SMARCA5: variants seen among roughly 807,000 people sequenced by gnomAD.
SMARCA5 encodes SWI/SNF-related matrix-associated actin-dependent regulator of chromatin subfamily A member 5.
A neutral mutation model predicts 140.4 loss-of-function variants in SMARCA5; 18 were observed. The observed-to-expected ratio is 0.13, with a 90% CI of 0.09 to 0.19. SMARCA5 has a LOEUF of 0.19. Among genes scored for constraint, SMARCA5 ranks in the 10% least tolerant of loss-of-function variants. The pLI is 1.00. For synonymous variants in SMARCA5, 449 were observed against 419.6 expected, an observed-to-expected ratio of 1.07 and a Z score of -0.86; for missense variants, 606 against 1,276.8, an observed-to-expected ratio of 0.47 and a Z score of 8.01.
At chr4:143,530,316 A>C (rs1737159878) in intron 8 of SMARCA5, 142 bp from the exon 9 acceptor site, 1 of 459,598 alleles carries the variant, frequency 2.2e-6, no homozygotes, top group African/African-American at 2.0e-5. Flanking sequence ...TGACACATGA[A>C]AACCAGGATT....
intron 16 of SMARCA5, chr4:143,544,495 T>G (rs1737484964): frequency 3.2e-6 from 1 of 308,592 alleles, no homozygotes; most frequent in Non-Finnish European, 5.9e-6. Context: ...CTGTAGCATT[T>G]CTCCCTCATT....
intron 2 of SMARCA5, among the ~76,000 whole-genome samples, chr4:143,519,736 A>AC (rs1007534169): frequency 2.0e-4 from 31 of 152,222 alleles, no homozygotes; most frequent in Non-Finnish European, 4.3e-4. Context: ...ACTTCAGAAA[A>AC]CTAAATACTA....
intron 3 of SMARCA5, among the ~76,000 whole-genome samples, chr4:143,523,208 G>T (rs978453599): frequency 6.6e-6 from 1 of 152,016 alleles, no homozygotes; most frequent in African/African-American, 2.4e-5. Flanking sequence ...TGTATTTTTG[G>T]TAGAGATGGG....
chr4:143,544,577 A>T (rs917210230), intron 16 of SMARCA5, among the ~76,000 whole-genome samples, 160 bp from the exon 17 acceptor site: 2 of 152,192 alleles, frequency 1.3e-5, no homozygotes, highest in Admixed American at 6.5e-5. Context: ...CGTGTTAATT[A>T]TATACATAAT....
At chr4:143,525,377 T>G in intron 4 of SMARCA5, 74 bp from the exon 5 acceptor site, 1 of 901,750 alleles carries the variant, frequency 1.1e-6, no homozygotes, top group Non-Finnish European at 1.9e-6. Flanking sequence ...AGTAGATATG[T>G]GTAGGCTTAG....
At chr4:143,534,319 C>G (rs1737259282) in intron 9 of SMARCA5, among the ~76,000 whole-genome samples, 1 of 151,994 alleles carries the variant, frequency 6.6e-6, no homozygotes, top group South Asian at 2.1e-4. Context: ...TATTACTACC[C>G]TTCAGGAACC....
intron 19 of SMARCA5, among the ~76,000 whole-genome samples, chr4:143,546,571 C>G (rs1737529900): frequency 6.6e-6 from 1 of 152,088 alleles, no homozygotes; most frequent in Non-Finnish European, 1.5e-5. Context: ...TACTCTCAGC[C>G]ACTCATATTT....
intron 1 of SMARCA5, among the ~76,000 whole-genome samples, chr4:143,516,159 A>G (rs906225187): frequency 1.3e-5 from 2 of 150,116 alleles, no homozygotes; most frequent in East Asian, 1.9e-4. Context: ...GTTTGGAAGT[A>G]TGATCTAAGG....
intron 6 of SMARCA5, among the ~76,000 whole-genome samples, chr4:143,527,114 T>TA (rs1309922953): frequency 6.6e-5 from 10 of 152,332 alleles, no homozygotes; most frequent in Admixed American, 3.3e-4. Context: ...GGTTGAGTCA[T>TA]ATATAGTAAT....
At position 143,556,363 on chromosome 4, in the gene SMARCA5, G is replaced by C. The variant is rs1737755832; in HGVS notation, c.*3179G>C. 1 of 152,084 alleles carries C rather than the reference G, an allele frequency of 6.6e-6. No homozygotes were observed. The highest frequency in any genetic ancestry group is 1.5e-5 in the Non-Finnish European group (1 of 67,998). The allele number at this position is 152,084 out of a possible 1,614,324, so 9.4% of individuals were successfully genotyped here. ...TGTAAAACACCCCTGTGGTTTTTCAGAAAAATTCTGAGTAAAAAATAAATT... is the reference window on the plus strand; with the variant it reads ...TGTAAAACACCCCTGTGGTTTTTCACAAAAATTCTGAGTAAAAAATAAATT... On this transcript the variant is annotated 3_prime_UTR_variant, in exon 24 of 24. Transcript: ENST00000283131.
At chr4:143,537,336 C>T (rs916243988) in intron 11 of SMARCA5, among the ~76,000 whole-genome samples, 1 of 152,174 alleles carries the variant, frequency 6.6e-6, no homozygotes, top group Non-Finnish European at 1.5e-5. Flanking sequence ...CGAAATATCA[C>T]TGCTATAGTA....
chr4:143,548,216 C>T, intron 22 of SMARCA5, 76 bp downstream of exon 22: 2 of 846,466 alleles, frequency 2.4e-6, no homozygotes, highest in African/African-American at 1.7e-5. Context: ...TTTAAGGTGA[C>T]TTTAAAAAAA....
Position 143,540,471 on chromosome 4 carries a change from C to A in SMARCA5, c.1879C>A (p.Leu627Met). The A allele has an allele frequency of 6.2e-7, 1 of 1,612,408 alleles. No individual in the cohort carries two copies. ...AGAACGTGCTGAGATGAAACTCAGA[C>A]TGGATTCAATAGTCATTCAACAAGG... The part of the protein sequence containing the change: ...IVERAEMKLR[L>M]DSIVIQQGRL... Residue 627 changes from leucine to methionine, a missense_variant, in exon 14 of 24, where the codon CTG becomes ATG. Physicochemically the swap from Leu to Met is conservative, Grantham distance 15. This residue lies in a region of SMARCA5 where 62 missense variants were observed against 256.6 expected (regional missense o/e 0.24). Transcript: ENST00000283131.
At chr4:143,514,870 GAAAA>G (rs34359057) in intron 1 of SMARCA5, among the ~76,000 whole-genome samples, 1 of 148,708 alleles carries the variant, frequency 6.7e-6, no homozygotes, top group Non-Finnish European at 1.5e-5. Flanking sequence ...CTGGCCTTAA[GAAAA>G]AAAAAAATTA....
At chr4:143,525,045 CTTTT>C (rs57339802) in intron 4 of SMARCA5, among the ~76,000 whole-genome samples, 3 of 137,582 alleles carry the variant, frequency 2.2e-5, no homozygotes, top group African/African-American at 2.6e-5. Context: ...TTTCCTATTT[CTTTT>C]TTTTTTTTTT....
At chr4:143,517,539 T>C in intron 2 of SMARCA5, 110 bp downstream of exon 2, 1 of 614,720 alleles carries the variant, frequency 1.6e-6, no homozygotes, top group Non-Finnish European at 2.7e-6. Flanking sequence ...TACCACAGAC[T>C]GGGTAATTTA....
At chr4:143,550,890 G>A (rs571435177) in intron 23 of SMARCA5, among the ~76,000 whole-genome samples, 173 of 152,184 alleles carry the variant, frequency 1.1e-3, no homozygotes, top group African/African-American at 4.1e-3. Flanking sequence ...CAGTAAACAT[G>A]GGAGTGCACA....
At chr4:143,538,565 A>G in intron 11 of SMARCA5, 25 bp from the exon 12 acceptor site, 1 of 1,604,064 alleles carries the variant, frequency 6.2e-7, no homozygotes. Flanking sequence ...AGCCACTGAT[A>G]ATAGATTGTT....
chr4:143,552,081 T>C (rs1390640582), intron 23 of SMARCA5, among the ~76,000 whole-genome samples: 2 of 152,074 alleles, frequency 1.3e-5, no homozygotes, highest in Non-Finnish European at 2.9e-5. Context: ...TTCAGTTTCT[T>C]ACATCAGTGT....
Sources: gnomAD v4.1 joint callset for allele counts (sites outside exome capture counted in the v4.1 genomes callset) on GRCh38, gnomAD v4.1.1 for gene constraint, gnomAD v4.1.1 regional missense constraint, MANE v1.5 for transcripts, NCBI Gene and HGNC (gene_info 2026-07-23, HGNC 2026-07-21) for gene names.